RANBP2: variants seen among roughly 807,000 people sequenced by gnomAD.
RANBP2 encodes RAN binding protein 2.
A neutral mutation model predicts 303.6 loss-of-function variants in RANBP2; 57 were observed. The observed-to-expected ratio is 0.19, with a 90% confidence interval of 0.15 to 0.23. RANBP2 has a LOEUF of 0.23. RANBP2 is among the 10% of genes least tolerant of loss of function. The probability of loss-of-function intolerance (pLI) is 1.00; values close to 1 mark genes in which losing one functional copy is unlikely to be tolerated. For synonymous variants in RANBP2, 1,167 were observed against 1,301.5 expected (o/e 0.90, Z 2.23); for missense variants, 3,138 against 3,780.8 (o/e 0.83, Z 4.46).
chr2:109,568,158 C>T, the RANBP2 span, among the ~76,000 whole-genome samples: 25 of 152,108 alleles, frequency 1.6e-4, no homozygotes, highest in Non-Finnish European at 2.8e-4. Context: ...AGGAACACTG[C>T]CATGCCCATT....
At chr2:109,587,137 T>C in the RANBP2 span, among the ~76,000 whole-genome samples, 2 of 152,034 alleles carry the variant, frequency 1.3e-5, no homozygotes, top group Admixed American at 6.6e-5. Context: ...AGGAAAAAGA[T>C]GGATATAATG....
chr2:109,703,257 C>G, the RANBP2 span, among the ~76,000 whole-genome samples: 1 of 152,192 alleles, frequency 6.6e-6, no homozygotes, highest in African/African-American at 2.4e-5. Flanking sequence ...TGTTATTAAT[C>G]ACTGAGCTTT....
At chr2:108,830,866 A>G in the RANBP2 span, among the ~76,000 whole-genome samples, 1 of 150,030 alleles carries the variant, frequency 6.7e-6, no homozygotes, top group Admixed American at 6.6e-5. Context: ...AGTGTTCTTC[A>G]TTGTGACATT....
At chr2:108,837,890 T>C in the RANBP2 span, among the ~76,000 whole-genome samples, 1 of 152,152 alleles carries the variant, frequency 6.6e-6, no homozygotes, top group Non-Finnish European at 1.5e-5. Flanking sequence ...TATTTAGAGA[T>C]TTCTCAACTT....
At chr2:108,965,987 C>G in the RANBP2 span, among the ~76,000 whole-genome samples, 2 of 152,176 alleles carry the variant, frequency 1.3e-5, no homozygotes, top group Admixed American at 1.3e-4. Context: ...GGCCTTGTCC[C>G]TCATCTTTGA....
At chr2:108,984,643 A>G in the RANBP2 span, among the ~76,000 whole-genome samples, 2 of 151,224 alleles carry the variant, frequency 1.3e-5, no homozygotes, top group South Asian at 2.1e-4. Flanking sequence ...AGAGGCCCCC[A>G]CTACTACCCT....
At chr2:109,328,518 G>T in the RANBP2 span, among the ~76,000 whole-genome samples, 2 of 152,108 alleles carry the variant, frequency 1.3e-5, no homozygotes, top group Non-Finnish European at 2.9e-5. Context: ...ACACATGTTT[G>T]TTTTTCTAAG....
the RANBP2 span, among the ~76,000 whole-genome samples, chr2:108,940,764 G>A: frequency 6.6e-6 from 1 of 152,256 alleles, no homozygotes; most frequent in Non-Finnish European, 1.5e-5. Context: ...AATGATGAGA[G>A]TGGTGTTCTC....
chr2:109,332,006 G>C, the RANBP2 span, among the ~76,000 whole-genome samples: 1 of 152,180 alleles, frequency 6.6e-6, no homozygotes, highest in Admixed American at 6.5e-5. Context: ...TGCCGGCTGA[G>C]CCTGGGAGCA....
the RANBP2 span, among the ~76,000 whole-genome samples, chr2:109,090,310 TCACACA>T: frequency 0.2 from 21,328 of 109,168 alleles, 1,968 homozygotes; most frequent in Middle Eastern, 0.26. Flanking sequence ...ACACCTCGCC[TCACACA>T]CACACACACA....
At chr2:108,867,030 A>G in the RANBP2 span, among the ~76,000 whole-genome samples, 1 of 152,156 alleles carries the variant, frequency 6.6e-6, no homozygotes, top group African/African-American at 2.4e-5. Flanking sequence ...TTTTAGGTTA[A>G]TTAAAGGGGA....
At chr2:109,564,926 C>G in the RANBP2 span, among the ~76,000 whole-genome samples, 1 of 152,180 alleles carries the variant, frequency 6.6e-6, no homozygotes, top group Non-Finnish European at 1.5e-5. Flanking sequence ...TTCACTAAAA[C>G]TTCAAAGTAG....
chr2:109,647,241 GCAACCTCCA>G, the RANBP2 span, among the ~76,000 whole-genome samples: 1 of 134,258 alleles, frequency 7.4e-6, no homozygotes, highest in Non-Finnish European at 1.5e-5. Flanking sequence ...TTGGCTCACT[GCAACCTCCA>G]CCTCCTGGGT....
At chr2:108,959,594 G>C in the RANBP2 span, among the ~76,000 whole-genome samples, 1 of 152,098 alleles carries the variant, frequency 6.6e-6, no homozygotes, top group Non-Finnish European at 1.5e-5. Flanking sequence ...GAGGGGAGCT[G>C]GGGCCTCACA....
chr2:109,615,102 C>T, the RANBP2 span: 3 of 1,549,790 alleles, frequency 1.9e-6, no homozygotes, highest in Non-Finnish European at 2.6e-6. Flanking sequence ...CCGCCAGAAC[C>T]TCCGTGACCT....
At chr2:109,559,565 T>A in the RANBP2 span, among the ~76,000 whole-genome samples, 19 of 152,242 alleles carry the variant, frequency 1.2e-4, no homozygotes, top group Non-Finnish European at 1.9e-4. Context: ...TGATGGGCAA[T>A]CTATGATTTC....
chr2:109,706,556 G>A, the RANBP2 span, among the ~76,000 whole-genome samples: 2 of 152,254 alleles, frequency 1.3e-5, no homozygotes, highest in Non-Finnish European at 2.9e-5. Context: ...AACCTGCTCT[G>A]CCCTCTCCCA....
At chr2:109,155,760 A>C in the RANBP2 span, among the ~76,000 whole-genome samples, 1 of 152,228 alleles carries the variant, frequency 6.6e-6, no homozygotes, top group African/African-American at 2.4e-5. Context: ...ACATCCTGCC[A>C]ATGTTGATCA....
the RANBP2 span, among the ~76,000 whole-genome samples, chr2:109,073,214 T>G: frequency 6.6e-6 from 1 of 151,906 alleles, no homozygotes; most frequent in East Asian, 1.9e-4. Context: ...GTAGAAAATA[T>G]TAAAAAGTGC....
Sources: gnomAD v4.1 joint callset for allele counts (sites outside exome capture counted in the v4.1 genomes callset) on GRCh38, gnomAD v4.1.1 for gene constraint, MANE v1.5 for transcripts, NCBI Gene and HGNC (gene_info 2026-07-23, HGNC 2026-07-21) for gene names.